Variants in ARID1B observed in about 807,000 individuals in gnomAD.
ARID1B encodes the protein AT-rich interactive domain-containing protein 1B.
ARID1B carries 30 observed loss-of-function variants against 212.3 expected under a neutral mutation model. The ratio of observed to expected loss-of-function variants is 0.14; its 90% CI spans 0.11 to 0.19. The LOEUF (loss-of-function observed/expected upper bound fraction) is 0.19, where lower values mean the gene tolerates loss of function less well. Ranked by LOEUF, ARID1B falls within the 10% of genes least tolerant of loss-of-function variation. The probability of loss-of-function intolerance (pLI) is 1.00; values close to 1 mark genes in which losing one functional copy is unlikely to be tolerated. For synonymous variants in ARID1B, 1,402 were observed against 1,301.7 expected, an observed-to-expected ratio of 1.08 and a Z score of -1.66; for missense variants, 2,891 against 3,204.0, an observed-to-expected ratio of 0.90 and a Z score of 2.36.
chr6:156,932,757 T>C (rs1357136148), intron 3 of ARID1B, among the ~76,000 whole-genome samples: 1 of 152,220 alleles, frequency 6.6e-6, no homozygotes, highest in Non-Finnish European at 1.5e-5. Flanking sequence ...CTGTAAGTTA[T>C]ATGTAGTTGT....
At chr6:156,779,803 G>C (rs943085787) in intron 1 of ARID1B, 2 of 154,776 alleles carry the variant, frequency 1.3e-5, no homozygotes, top group African/African-American at 2.4e-5. Flanking sequence ...GCCGTTTGGG[G>C]CGGCGGGGAC....
intron 1 of ARID1B, among the ~76,000 whole-genome samples, chr6:156,811,226 G>C (rs906730107): frequency 2.6e-5 from 4 of 152,166 alleles, no homozygotes; most frequent in African/African-American, 9.7e-5. Flanking sequence ...TGTGATTAAG[G>C]AGGGGCTTTA....
Position 157,203,790 on chromosome 6 carries a change from T to C in ARID1B, c.5264-76T>C, listed in dbSNP as rs1161658435. The C allele has an allele frequency of 1.9e-6, 3 of 1,551,064 alleles. No homozygotes were observed. The highest frequency in any genetic ancestry group is 8.9e-7 in the Non-Finnish European group (1 of 1,128,618). ...AACTTAACACTCCACTTATTTTTTC[T>C]TACTCTTTCGTTAACTTTCGTTCTT... On this transcript the variant is annotated intron_variant, in intron 18 of 19. Coordinates refer to ENST00000636930, the MANE Select transcript of ARID1B (RefSeq NM_001374828.1). This position sits in a 1 kb window ranked among gnomAD's most constrained non-coding sequence, Gnocchi z 4.4.
intron 5 of ARID1B, among the ~76,000 whole-genome samples, chr6:157,099,937 A>G (rs1454092271): frequency 1.3e-5 from 2 of 152,132 alleles, no homozygotes; most frequent in Admixed American, 6.5e-5. Context: ...ATAGCCTCTG[A>G]AGTGCCCATT....
At chr6:156,783,148 C>A (rs899356822) in intron 1 of ARID1B, among the ~76,000 whole-genome samples, 2 of 151,814 alleles carry the variant, frequency 1.3e-5, no homozygotes, top group African/African-American at 4.8e-5. Flanking sequence ...TATATTTAGT[C>A]ATGAATTTTT....
intron 2 of ARID1B, among the ~76,000 whole-genome samples, chr6:156,891,750 C>T (rs1480747481): frequency 1.3e-5 from 2 of 152,100 alleles, no homozygotes; most frequent in Non-Finnish European, 2.9e-5. Flanking sequence ...CCCCTCAAAC[C>T]AGTTCCCTGT....
intron 13 of ARID1B, among the ~76,000 whole-genome samples, chr6:157,187,702 T>C (rs953419273): frequency 2.6e-5 from 4 of 151,204 alleles, no homozygotes; most frequent in Admixed American, 1.3e-4. Context: ...CCTGCCAGCC[T>C]CCTCTATTAA....
At chr6:157,039,670 C>CTTCCTTCCTTCT (rs1562569165) in intron 4 of ARID1B, among the ~76,000 whole-genome samples, 2 of 55,268 alleles carry the variant, frequency 3.6e-5, no homozygotes, top group African/African-American at 2.3e-4. Flanking sequence ...TCCTTCCTTC[C>CTTCCTTCCTTCT]TTCCTTCCTT....
At chr6:157,074,895 G>A (rs148793553) in intron 4 of ARID1B, among the ~76,000 whole-genome samples, 1,734 of 152,242 alleles carry the variant, frequency 0.011, 33 homozygotes, top group African/African-American at 0.04. Context: ...AGGTAGTATG[G>A]TTGAGTGTAA....
chr6:157,099,189 C>A (rs1214583492), intron 5 of ARID1B, among the ~76,000 whole-genome samples: 2 of 152,170 alleles, frequency 1.3e-5, no homozygotes. Context: ...CTCAAGCAAT[C>A]TGCCTGCCTT....
intron 4 of ARID1B, among the ~76,000 whole-genome samples, chr6:156,945,249 T>C (rs1423733212): frequency 8.8e-6 from 1 of 114,068 alleles, no homozygotes; most frequent in African/African-American, 3.4e-5. Flanking sequence ...TTTTTTTTTT[T>C]TTTTTTTTTT....
chr6:157,042,707 G>A (rs552287351), intron 4 of ARID1B, among the ~76,000 whole-genome samples: 77 of 148,822 alleles, frequency 5.2e-4, no homozygotes, highest in African/African-American at 1.8e-3. Context: ...CACCCAGGCT[G>A]GAGTACAGTG....
intron 5 of ARID1B, among the ~76,000 whole-genome samples, chr6:157,104,617 G>T (rs1786327522): frequency 6.6e-6 from 1 of 152,158 alleles, no homozygotes; most frequent in African/African-American, 2.4e-5. Flanking sequence ...ACAGTTAAAA[G>T]ACATATAATG....
At chr6:156,924,673 G>A (rs1791082355) in intron 3 of ARID1B, among the ~76,000 whole-genome samples, 1 of 152,204 alleles carries the variant, frequency 6.6e-6, no homozygotes, top group Non-Finnish European at 1.5e-5. Flanking sequence ...CATGGACAGC[G>A]AAACCGTGGG....
Position 156,946,925 on chromosome 6 carries a change from A to G in ARID1B, c.2247+11349A>G, listed in dbSNP as rs1583008196. On this transcript the variant is annotated intron_variant, in intron 4 of 19. Transcript: ENST00000636930. ...TTGCTACTAAAGCCTTATTTCTTATATAGTTCTTTATAGAAGTAAAACATT... is the reference window on the plus strand; with the variant it reads ...TTGCTACTAAAGCCTTATTTCTTATGTAGTTCTTTATAGAAGTAAAACATT... 2.0e-5 allele frequency among the ~76,000 whole-genome samples: 3 copies of G among 152,378 alleles called. No individual in the cohort carries two copies. In the South Asian group the frequency reaches 6.2e-4, roughly 32 times the overall value.
intron 2 of ARID1B, chr6:156,871,661 C>A (rs1174331551): frequency 6.2e-7 from 1 of 1,611,804 alleles, no homozygotes; most frequent in Non-Finnish European, 8.5e-7. Context: ...TGGCAAGTAT[C>A]TTCTTACATG....
chr6:157,160,528 G>A (rs6915284), intron 8 of ARID1B, among the ~76,000 whole-genome samples: 5,409 of 152,208 alleles, frequency 0.036, 166 homozygotes, highest in African/African-American at 0.072. Flanking sequence ...TAACAGCCTC[G>A]TAACGGTCAG....
chr6:156,830,312 T>C (rs1457096518), intron 2 of ARID1B, among the ~76,000 whole-genome samples: 1 of 152,232 alleles, frequency 6.6e-6, no homozygotes, highest in Non-Finnish European at 1.5e-5. Context: ...TGCCCCAGGC[T>C]GGGGCGTCCC....
intron 4 of ARID1B, among the ~76,000 whole-genome samples, chr6:157,014,244 T>C (rs1258374755): frequency 6.6e-6 from 1 of 152,228 alleles, no homozygotes; most frequent in Non-Finnish European, 1.5e-5. Context: ...GTGTCCATTA[T>C]TAGAATTGTT....
Sources: allele counts gnomAD v4.1 joint callset (sites outside exome capture counted in the v4.1 genomes callset), GRCh38; gene constraint gnomAD v4.1.1; non-coding constraint Gnocchi (gnomAD v3.1); transcripts MANE v1.5; gene names NCBI Gene and HGNC (gene_info 2026-07-23, HGNC 2026-07-21).